Variants in FTO observed in about 807,000 individuals in gnomAD.
FTO encodes the protein FTO alpha-ketoglutarate dependent dioxygenase.
Under a neutral mutation model 63.9 loss-of-function variants are expected in FTO, and 47 were observed. The observed-to-expected ratio is 0.74, with a 90% CI of 0.58 to 0.94. The LOEUF is 0.94. FTO is among the 40% of genes least tolerant of loss of function. FTO has a pLI of 0.00. For missense variants in FTO, 562 were observed against 618.1 expected (o/e 0.91, Z 0.96); for synonymous variants, 207 against 224.4 (o/e 0.92, Z 0.69).
intron 8 of FTO, among the ~76,000 whole-genome samples, chr16:54,050,795 C>G (rs2085293247): frequency 1.3e-5 from 2 of 152,088 alleles, no homozygotes; most frequent in South Asian, 4.1e-4. Flanking sequence ...CCCTTTAAAG[C>G]TATTCTTTTC....
At chr16:54,058,423 G>A (rs548572200) in intron 8 of FTO, among the ~76,000 whole-genome samples, 8 of 152,264 alleles carry the variant, frequency 5.3e-5, no homozygotes, top group Admixed American at 3.3e-4. Context: ...ACGCCTGGCC[G>A]GAGGAGAAAC....
intron 4 of FTO, among the ~76,000 whole-genome samples, chr16:53,846,511 A>G (rs538427008): frequency 9.8e-5 from 15 of 152,316 alleles, no homozygotes; most frequent in African/African-American, 3.4e-4. Context: ...TTTTAAAAAT[A>G]TAAAAGTGGC....
At chr16:53,752,627 C>G (rs1022442058) in intron 1 of FTO, among the ~76,000 whole-genome samples, 5 of 152,174 alleles carry the variant, frequency 3.3e-5, no homozygotes, top group Non-Finnish European at 7.4e-5. Context: ...CTTTTCAATC[C>G]ATATGGAATA....
Position 54,048,256 on chromosome 16 carries a change from GAAAAA to G in FTO, c.1365-63493_1365-63489del, listed in dbSNP as rs111381976. 9.7e-3 allele frequency among the ~76,000 whole-genome samples: 1,295 copies of G among 133,990 alleles called. 16 individuals carry two copies. Among genetic ancestry groups the G allele is most frequent in the African/African-American group, 0.033 (1,204 of 36,312 alleles). The allele number at this position is 133,990 out of a possible 152,430, so 87.9% of individuals were successfully genotyped here. ...AAAAAATAAAAAAATAAAAATACTT[GAAAAA>G]AAAAAAAAAAAAGAAGCTAAGATTT... On this transcript the variant is annotated intron_variant, in intron 8 of 8. Transcript: ENST00000471389.
At chr16:53,816,249 A>G (rs1255484642) in intron 2 of FTO, among the ~76,000 whole-genome samples, 1 of 152,138 alleles carries the variant, frequency 6.6e-6, no homozygotes, top group Non-Finnish European at 1.5e-5. Flanking sequence ...TGCTTCTTAC[A>G]CCGTGGCCAA....
intron 8 of FTO, among the ~76,000 whole-genome samples, chr16:54,037,013 C>T (rs1043551198): frequency 1.3e-5 from 2 of 152,200 alleles, no homozygotes; most frequent in Non-Finnish European, 2.9e-5. Flanking sequence ...TTTCAGCAAA[C>T]CAACTGCCAC....
chr16:54,020,907 G>T (rs752021810), intron 8 of FTO, among the ~76,000 whole-genome samples: 2 of 152,138 alleles, frequency 1.3e-5, no homozygotes, highest in Admixed American at 1.3e-4. Flanking sequence ...GGAGACAGAG[G>T]TTGCAGTGAG....
intron 8 of FTO, chr16:53,994,073 C>T (rs771749918): frequency 1.3e-5 from 2 of 152,186 alleles, no homozygotes; most frequent in Non-Finnish European, 2.9e-5. Flanking sequence ...ATTGGCCTCT[C>T]TAACCTCTAA....
chr16:53,708,843 A>G (rs2075695582), intron 1 of FTO, among the ~76,000 whole-genome samples: 1 of 152,182 alleles, frequency 6.6e-6, no homozygotes, highest in African/African-American at 2.4e-5. Context: ...TCTGTTCAAA[A>G]TCTTTGCCCA....
intron 2 of FTO, among the ~76,000 whole-genome samples, chr16:53,824,547 G>C (rs1390163887): frequency 6.6e-6 from 1 of 152,108 alleles, no homozygotes; most frequent in Non-Finnish European, 1.5e-5. Flanking sequence ...TTGGTAGAAA[G>C]CTTTGTGAGA....
intron 8 of FTO, among the ~76,000 whole-genome samples, chr16:54,100,624 A>G (rs2086619753): frequency 6.6e-6 from 1 of 152,192 alleles, no homozygotes; most frequent in African/African-American, 2.4e-5. Context: ...AAGTGCTGGG[A>G]TAACAGACGT....
intron 8 of FTO, among the ~76,000 whole-genome samples, chr16:53,963,297 C>A (rs188088378): frequency 9.8e-5 from 15 of 152,314 alleles, no homozygotes; most frequent in Admixed American, 8.5e-4. Flanking sequence ...CTCTCCAAAT[C>A]TTACCTGGAC....
chr16:53,973,854 A>G (rs1331531182), intron 8 of FTO, among the ~76,000 whole-genome samples: 3 of 152,222 alleles, frequency 2.0e-5, no homozygotes, highest in East Asian at 3.8e-4. Flanking sequence ...AGATCTGTCC[A>G]CTTTACCGTA....
intron 3 of FTO, among the ~76,000 whole-genome samples, chr16:53,837,687 T>A (rs564848764): frequency 6.6e-6 from 1 of 152,096 alleles, no homozygotes; most frequent in East Asian, 1.9e-4. Context: ...TGGCTAATCT[T>A]TCTTTCCTAG....
chr16:53,816,158 A>G (rs1052288432), intron 2 of FTO, among the ~76,000 whole-genome samples: 4 of 152,040 alleles, frequency 2.6e-5, no homozygotes, highest in Non-Finnish European at 5.9e-5. Flanking sequence ...CTTTACTTAA[A>G]CACTACATGT....
At chr16:53,814,457 GAC>G (rs2078618371) in intron 2 of FTO, among the ~76,000 whole-genome samples, 1 of 152,160 alleles carries the variant, frequency 6.6e-6, no homozygotes, top group Non-Finnish European at 1.5e-5. Flanking sequence ...ATGCTTCTGA[GAC>G]AGGTGTTACT....
chr16:53,928,914 G>T (rs556399269), intron 7 of FTO, among the ~76,000 whole-genome samples: 25 of 152,066 alleles, frequency 1.6e-4, no homozygotes, highest in African/African-American at 6.0e-4. Flanking sequence ...CATGATCCCG[G>T]CTCACTACAA....
At chr16:53,780,072 C>T (rs1312442596) in intron 1 of FTO, among the ~76,000 whole-genome samples, 1 of 152,328 alleles carries the variant, frequency 6.6e-6, no homozygotes, top group East Asian at 1.9e-4. Context: ...TGTCACCTCA[C>T]TGCCTATAAG....
At chr16:53,812,560 T>C (rs2078561693) in intron 2 of FTO, among the ~76,000 whole-genome samples, 1 of 152,206 alleles carries the variant, frequency 6.6e-6, no homozygotes, top group African/African-American at 2.4e-5. Flanking sequence ...CTGGCTTCCC[T>C]TATCCTCTGT....
Sources: gnomAD v4.1 joint callset for allele counts (sites outside exome capture counted in the v4.1 genomes callset) on GRCh38, gnomAD v4.1.1 for gene constraint, MANE v1.5 for transcripts, NCBI Gene and HGNC (gene_info 2026-07-23, HGNC 2026-07-21) for gene names.